The following CRYBB1 variants were observed in gnomAD, a reference collection of about 807,000 sequenced individuals.
CRYBB1 encodes the protein beta-crystallin B1.
In CRYBB1, 16 loss-of-function variants were observed where a neutral mutation model predicts 29.5. The observed-to-expected ratio is 0.54, with a 90% CI of 0.37 to 0.82. The LOEUF is 0.82. Ranked by LOEUF, CRYBB1 falls within the 40% of genes least tolerant of loss-of-function variation. The probability of loss-of-function intolerance (pLI) is 0.00; values close to 1 mark genes in which losing one functional copy is unlikely to be tolerated. For synonymous variants in CRYBB1, 127 were observed against 136.7 expected (o/e 0.93, Z 0.49); for missense variants, 300 against 350.5 (o/e 0.86, Z 1.15).
intron 2 of CRYBB1, among the ~76,000 whole-genome samples, chr22:26,613,383 G>A (rs1929240801): frequency 6.6e-6 from 1 of 152,222 alleles, no homozygotes; most frequent in Non-Finnish European, 1.5e-5. Flanking sequence ...CTGTATGTGT[G>A]CCCCGGGATG....
chr22:26,599,586 G>A lies in CRYBB1; in HGVS notation c.663C>T (p.Ala221=), dbSNP rs759663019. 6.2e-7 allele frequency: 1 copy of A among 1,614,176 alleles called. No homozygotes were observed. Among genetic ancestry groups the A allele is most frequent in the South Asian group, 1.1e-5 (1 of 91,086 alleles). Residue 221 remains alanine (A), a synonymous_variant, in exon 6 of 6, where the codon GCC becomes GCT. Coordinates refer to ENST00000647684, the MANE Select transcript of CRYBB1 (RefSeq NM_001887.4). ...GDFRHWNEWG[A]FQPQMQSLRR... ...GCAGGGACTGCATCTGTGGCTGGAA[G>A]GCTCCCCACTCATTCCAGTGCCGGA...
chr22:26,610,009 A>G (rs765597491), intron 3 of CRYBB1, among the ~76,000 whole-genome samples: 7 of 151,776 alleles, frequency 4.6e-5, no homozygotes, highest in Admixed American at 6.6e-5. Context: ...CTGGAGGTCT[A>G]GGCTTCTGGA....
chr22:26,609,553 GA>G (rs1929091629), intron 3 of CRYBB1, among the ~76,000 whole-genome samples: 2 of 152,120 alleles, frequency 1.3e-5, no homozygotes, highest in African/African-American at 4.8e-5. Flanking sequence ...TGGGTAGATG[GA>G]TAGATTTATA....
rs771110435 is a variant in CRYBB1, at chr22:26,605,671, C to CAAAAA, written c.432+2213_432+2217dup. On this transcript the variant is annotated intron_variant, in intron 4 of 5. Transcript: ENST00000647684. ...CTGGGCAACAGAGTTAGATGTGTCTCAAAAAAAAAAAAAAAAAAAAAGGAA... is the reference window on the plus strand; with the variant it reads ...CTGGGCAACAGAGTTAGATGTGTCTCAAAAAAAAAAAAAAAAAAAAAAAAAAGGAA... Among the ~76,000 whole-genome samples the CAAAAA allele has an allele frequency of 1.5e-3, 81 of 54,202 alleles. 2 individuals carry two copies. The highest frequency in any genetic ancestry group is 6.3e-3 in the South Asian group (7 of 1,120). 35.6% of individuals were successfully genotyped at this position (54,202 alleles called of 152,430 possible).
In CRYBB1 at chr22:26,616,300, G is replaced by A; in HGVS notation, c.20C>T (p.Ala7Val). ...CACCGCCACTGTGGCCGAGGCCGAG[G>A]CCTTTGCAGCCTGAGACATGGTTCC... MSQAAK[A>V]SASATVAVNP... Residue 7 changes from alanine (A) to valine (V), a missense_variant, in exon 2 of 6, where the codon GCC becomes GTC. Coordinates refer to ENST00000647684, the MANE Select transcript of CRYBB1 (RefSeq NM_001887.4). The A allele has an allele frequency of 6.2e-7, 1 of 1,613,338 alleles. No homozygotes were observed. Among genetic ancestry groups the A allele is most frequent in the Non-Finnish European group, 8.5e-7 (1 of 1,179,536 alleles).
At chr22:26,606,373 A>C (rs1928977654) in intron 4 of CRYBB1, among the ~76,000 whole-genome samples, 1 of 152,200 alleles carries the variant, frequency 6.6e-6, no homozygotes, top group Non-Finnish European at 1.5e-5. Flanking sequence ...CATTCTTTAA[A>C]ATTTTTTTTA....
intron 5 of CRYBB1, among the ~76,000 whole-genome samples, chr22:26,600,388 C>T (rs1387760150): frequency 2.0e-5 from 3 of 151,038 alleles, no homozygotes; most frequent in Admixed American, 6.6e-5. Flanking sequence ...AGGGACAGAG[C>T]GAGACTCCAT....
At chr22:26,604,251 T>G (rs1362230367) in intron 4 of CRYBB1, among the ~76,000 whole-genome samples, 1 of 152,262 alleles carries the variant, frequency 6.6e-6, no homozygotes, top group Non-Finnish European at 1.5e-5. Flanking sequence ...TTTCTACTTC[T>G]GAGTCTCAGT....
chr22:26,609,506 T>A (rs5761629), intron 3 of CRYBB1, among the ~76,000 whole-genome samples: 21,871 of 151,838 alleles, frequency 0.14, 2,071 homozygotes, highest in South Asian at 0.31. Context: ...GAAGGGATGG[T>A]TGAATTGATG....
At chr22:26,607,859 T>A (rs768855236) in intron 4 of CRYBB1, 30 bp downstream of exon 4, 1 of 1,613,836 alleles carries the variant, frequency 6.2e-7, no homozygotes, top group Non-Finnish European at 8.5e-7. Context: ...GCCTGGCTGA[T>A]TCTCCAGCCC....
chr22:26,605,892 A>G (rs1928963516), intron 4 of CRYBB1, among the ~76,000 whole-genome samples: 1 of 152,130 alleles, frequency 6.6e-6, no homozygotes, highest in Non-Finnish European at 1.5e-5. Context: ...GTGGCAGGGC[A>G]GAGAGAGGAA....
At position 26,599,326 on chromosome 22, in the gene CRYBB1, G is replaced by A. The variant is rs987829378; in HGVS notation, c.*164C>T. The A allele has an allele frequency of 1.1e-5, 7 of 649,038 alleles. No homozygotes were observed. Among genetic ancestry groups the A allele is most frequent in the Admixed American group, 5.7e-5 (2 of 35,300 alleles). 40.2% of individuals were successfully genotyped at this position (649,038 alleles called of 1,614,324 possible). On this transcript the variant is annotated 3_prime_UTR_variant, in exon 6 of 6. Coordinates refer to ENST00000647684, the MANE Select transcript of CRYBB1 (RefSeq NM_001887.4). ...TATTATCGTTGTAATTATTAAGAGC[G>A]AGGAAGTCACATCCCAGTAACTATG...
At chr22:26,611,475 T>G (rs534471768) in intron 3 of CRYBB1, among the ~76,000 whole-genome samples, 27 of 150,176 alleles carry the variant, frequency 1.8e-4, no homozygotes, top group African/African-American at 5.8e-4. Flanking sequence ...TTTTGTTTTT[T>G]TTTTTTTTTT....
At chr22:26,613,843 C>G (rs2145970841) in intron 2 of CRYBB1, among the ~76,000 whole-genome samples, 1 of 152,338 alleles carries the variant, frequency 6.6e-6, no homozygotes, top group African/African-American at 2.4e-5. Context: ...TCTCTTCTTT[C>G]AAAAGCAAAT....
At position 26,607,990 on chromosome 22, in the gene CRYBB1, C is replaced by T. The variant is rs1000106932; in HGVS notation, c.331G>A (p.Gly111Arg). The change falls in exon 4 of 6, where the codon GGG (glycine) becomes AGG (arginine). Residue 111 changes from glycine to arginine, a missense_variant. Coordinates refer to ENST00000647684, the MANE Select transcript of CRYBB1 (RefSeq NM_001887.4). ...CCCTTCTCCAGGATGAACATCTCCC[C>T]GCGGAAGTTGGACTGCTCAAAGGCG... Reference protein sequence around the residue: ...WVAFEQSNFRGEMFILEKGEY... With the variant: ...WVAFEQSNFRREMFILEKGEY... The T allele has an allele frequency of 8.1e-6, 13 of 1,614,076 alleles. No homozygotes were observed. The highest frequency in any genetic ancestry group is 1.1e-5 in the South Asian group (1 of 91,096).
intron 4 of CRYBB1, among the ~76,000 whole-genome samples, chr22:26,605,251 G>C (rs1928939168): frequency 6.6e-6 from 1 of 152,176 alleles, no homozygotes; most frequent in African/African-American, 2.4e-5. Flanking sequence ...GTTTGCAATT[G>C]TAGATGGATT....
At chr22:26,601,082 G>T (rs934483142) in intron 5 of CRYBB1, among the ~76,000 whole-genome samples, 2 of 152,182 alleles carry the variant, frequency 1.3e-5, no homozygotes, top group African/African-American at 4.8e-5. Context: ...GAATGGCAGG[G>T]ATATAGGTTT....
At chr22:26,603,069 G>A (rs1231256057) in intron 4 of CRYBB1, among the ~76,000 whole-genome samples, 4 of 148,054 alleles carry the variant, frequency 2.7e-5, no homozygotes, top group African/African-American at 7.5e-5. Flanking sequence ...AGCTTGCAGT[G>A]AGCCGAGATC....
rs1328669271 is a variant in CRYBB1 at position 26,602,008 on chromosome 22, T to C, written c.446A>G (p.His149Arg). The change falls in exon 5 of 6, where the codon CAC (histidine) becomes CGC (arginine). Residue 149 changes from histidine to arginine, a missense_variant. Physicochemically the swap from His to Arg is conservative, Grantham distance 29. Transcript: ENST00000647684. ...FRPIKMDAQE[H>R]KISLFEGANF... ...GGCCCCTTCAAACAGGGAGATTTTG[T>C]GCTCCTGGGCATCCTGGGGAAAGAG... is the stretch of plus-strand genomic sequence containing the variant. 6.2e-7 allele frequency: 1 copy of C among 1,613,800 alleles called. No homozygotes were observed. The highest frequency in any genetic ancestry group is 1.1e-5 in the South Asian group (1 of 91,068).
Sources: gnomAD v4.1 joint callset for allele counts (sites outside exome capture counted in the v4.1 genomes callset) on GRCh38, gnomAD v4.1.1 for gene constraint, MANE v1.5 for transcripts, NCBI Gene and HGNC (gene_info 2026-07-23, HGNC 2026-07-21) for gene names.